The following SLC27A2 variants were observed in gnomAD, a reference collection of about 807,000 sequenced individuals.
SLC27A2 encodes solute carrier family 27 member 2.
A neutral mutation model predicts 60.0 loss-of-function variants in SLC27A2; 54 were observed. That is an observed-to-expected ratio of 0.90 (90% CI 0.72 to 1.13). SLC27A2 has a LOEUF of 1.13. Ranked by LOEUF, SLC27A2 falls within the 50% of genes most tolerant of loss-of-function variation. The pLI is 0.00. For synonymous variants in SLC27A2, 297 were observed against 297.6 expected (o/e 1.00, Z 0.02); for missense variants, 739 against 777.6 (o/e 0.95, Z 0.59).
intron 1 of SLC27A2, among the ~76,000 whole-genome samples, chr15:50,185,606 C>T (rs1302875855): frequency 1.3e-5 from 2 of 148,682 alleles, no homozygotes; most frequent in African/African-American, 5.0e-5. Context: ...GCCCAAGAAT[C>T]ACCTAGGAAG....
intron 1 of SLC27A2, among the ~76,000 whole-genome samples, chr15:50,197,041 T>A (rs1463684868): frequency 6.6e-6 from 1 of 152,254 alleles, no homozygotes; most frequent in African/African-American, 2.4e-5. Context: ...ACACGGATAT[T>A]TCTTGGGTTT....
intron 3 of SLC27A2, among the ~76,000 whole-genome samples, chr15:50,204,550 A>G (rs184654172): frequency 0.022 from 3,406 of 151,898 alleles, 55 homozygotes; most frequent in Middle Eastern, 0.037. Context: ...TGGCTAACAC[A>G]GTGAAACCCC....
intron 1 of SLC27A2, among the ~76,000 whole-genome samples, chr15:50,193,243 C>G (rs1863510): frequency 6.6e-6 from 1 of 152,190 alleles, no homozygotes; most frequent in Non-Finnish European, 1.5e-5. Flanking sequence ...TTCTGCCCCC[C>G]ACCACCTGCT....
chr15:50,236,037 T>TA lies in SLC27A2; in HGVS notation c.1805dup (p.Tyr602Ter). ...TTTCTTGGATGACACAGCAAAAATG[T>TA]ATGTGCCTATGACTGAGGACATCTA... Reference protein sequence around the residue: ...LYFLDDTAKMYVPMTEDIYNA... With the variant: ...LYFLDDTAKM The change falls in exon 10 of 10, where the codon TAT (tyrosine) becomes TAAT (stop). Residue 602 changes from tyrosine to a stop codon, truncating the protein, a stop_gained and frameshift_variant. Coordinates refer to ENST00000267842, the MANE Select transcript of SLC27A2 (RefSeq NM_003645.4). LOFTEE classifies it high-confidence loss of function. 6.2e-7 allele frequency: 1 copy of TA among 1,614,162 alleles called. No homozygotes were observed. Among genetic ancestry groups the TA allele is most frequent in the South Asian group, 1.1e-5 (1 of 91,086 alleles).
chr15:50,211,396 T>G (rs2045153358), intron 4 of SLC27A2, among the ~76,000 whole-genome samples: 1 of 152,120 alleles, frequency 6.6e-6, no homozygotes, highest in Non-Finnish European at 1.5e-5. Context: ...TCACTGCAGT[T>G]CGGCTCACAG....
At chr15:50,200,199 G>T (rs2045053177) in intron 2 of SLC27A2, among the ~76,000 whole-genome samples, 1 of 152,100 alleles carries the variant, frequency 6.6e-6, no homozygotes, top group African/African-American at 2.4e-5. Context: ...GGCCAAGATG[G>T]GAGGCTCACT....
chr15:50,235,484 C>T (rs960517406), intron 9 of SLC27A2, among the ~76,000 whole-genome samples: 1 of 152,192 alleles, frequency 6.6e-6, no homozygotes, highest in African/African-American at 2.4e-5. Flanking sequence ...TCCCTCCCCA[C>T]AGGTGATCCT....
In SLC27A2 at chr15:50,182,287, C is replaced by G; in HGVS notation, c.-141C>G. On this transcript the variant is annotated 5_prime_UTR_variant, in exon 1 of 10. Coordinates refer to ENST00000267842, the MANE Select transcript of SLC27A2 (RefSeq NM_003645.4). The stretch of plus-strand genomic sequence containing the variant: ...TGCAGCGGAGGAGCTCTGTCTTCCC[C>G]TTCATCTCACGCGAGCCCGGCGTCC... 1 of 1,276,856 alleles carries G rather than the reference C, an allele frequency of 7.8e-7. No homozygotes were observed. Among genetic ancestry groups the G allele is most frequent in the Non-Finnish European group, 1.0e-6 (1 of 1,003,136 alleles). 79.1% of individuals were successfully genotyped at this position (1,276,856 alleles called of 1,614,324 possible).
intron 3 of SLC27A2, 150 bp from the exon 4 acceptor site, chr15:50,205,089 T>C: frequency 2.5e-6 from 2 of 802,614 alleles, no homozygotes; most frequent in Admixed American, 3.3e-5. Context: ...GTCTTACTAA[T>C]TTTTTGCATT....
intron 4 of SLC27A2, among the ~76,000 whole-genome samples, chr15:50,207,952 C>CA (rs766791604): frequency 0.04 from 4,567 of 114,288 alleles, 198 homozygotes; most frequent in African/African-American, 0.12. Flanking sequence ...AAAGACTTTG[C>CA]AAAAAAAAAA....
At chr15:50,195,979 G>T (rs1403951959) in intron 1 of SLC27A2, among the ~76,000 whole-genome samples, 1 of 144,514 alleles carries the variant, frequency 6.9e-6, no homozygotes, top group Non-Finnish European at 1.5e-5. Context: ...GCATGAACCC[G>T]GGAGGCGGAG....
At chr15:50,208,514 T>C (rs1384981360) in intron 4 of SLC27A2, among the ~76,000 whole-genome samples, 1 of 152,230 alleles carries the variant, frequency 6.6e-6, no homozygotes, top group East Asian at 1.9e-4. Context: ...ATAAACCACA[T>C]AGTAGCTGGA....
At chr15:50,235,203 C>A (rs907703005) in intron 9 of SLC27A2, among the ~76,000 whole-genome samples, 2 of 152,092 alleles carry the variant, frequency 1.3e-5, no homozygotes, top group African/African-American at 4.8e-5. Flanking sequence ...TCATAGGGCA[C>A]CAACATTTGC....
chr15:50,202,133 T>A (rs1164430709), intron 2 of SLC27A2, among the ~76,000 whole-genome samples: 1 of 152,202 alleles, frequency 6.6e-6, no homozygotes, highest in Non-Finnish European at 1.5e-5. Context: ...ACCATCTAAC[T>A]CAGGAGTTAG....
chr15:50,211,219 A>G (rs2045152115), intron 4 of SLC27A2, among the ~76,000 whole-genome samples: 1 of 152,334 alleles, frequency 6.6e-6, no homozygotes. Flanking sequence ...TAAGGATCCC[A>G]TGGAGTCATT....
At chr15:50,231,180 C>T (rs531643342) in intron 8 of SLC27A2, among the ~76,000 whole-genome samples, 180 of 141,526 alleles carry the variant, frequency 1.3e-3, no homozygotes, top group African/African-American at 4.6e-3. Context: ...GTTTCGCTCT[C>T]GTTGCCCAGG....
chr15:50,196,022 C>A (rs2045013016), intron 1 of SLC27A2, among the ~76,000 whole-genome samples: 1 of 125,594 alleles, frequency 8.0e-6, no homozygotes, highest in East Asian at 2.5e-4. Context: ...CCACTGCACC[C>A]CAGCCTGGGC....
intron 3 of SLC27A2, 61 bp downstream of exon 3, chr15:50,202,706 A>G: frequency 6.4e-7 from 1 of 1,572,438 alleles, no homozygotes; most frequent in South Asian, 1.1e-5. Context: ...CAGAAGGAAC[A>G]GTAATACAAA....
chr15:50,209,404 G>A (rs541867184), intron 4 of SLC27A2, among the ~76,000 whole-genome samples: 3 of 152,286 alleles, frequency 2.0e-5, no homozygotes, highest in Middle Eastern at 3.4e-3. Context: ...GTTCGCCAGG[G>A]AAGGTGGGCT....
Sources: gnomAD v4.1 joint callset for allele counts (sites outside exome capture counted in the v4.1 genomes callset) on GRCh38, gnomAD v4.1.1 for gene constraint, MANE v1.5 for transcripts, NCBI Gene and HGNC (gene_info 2026-07-23, HGNC 2026-07-21) for gene names.